Variants in MYH3 observed in about 807,000 individuals in gnomAD.
MYH3 encodes the protein myosin heavy chain 3, also known as myosin-3.
Under a neutral mutation model 238.0 loss-of-function variants are expected in MYH3, and 130 were observed. The ratio of observed to expected loss-of-function variants is 0.55; its 90% CI spans 0.47 to 0.63. The LOEUF is 0.63. Among genes scored for constraint, MYH3 ranks in the 30% least tolerant of loss-of-function variants. The pLI, the probability that MYH3 is intolerant of heterozygous loss-of-function variation, is 0.00. For missense variants in MYH3, 1,853 were observed against 2,374.9 expected, an observed-to-expected ratio of 0.78 and a Z score of 4.57; for synonymous variants, 880 against 924.1, an observed-to-expected ratio of 0.95 and a Z score of 0.86.
At chr17:10,653,793 G>A (rs2074401379) in intron 3 of MYH3, among the ~76,000 whole-genome samples, 1 of 152,168 alleles carries the variant, frequency 6.6e-6, no homozygotes, top group Non-Finnish European at 1.5e-5. Context: ...CCCGGCCAAT[G>A]GGCCCTGGCT....
intron 40 of MYH3, among the ~76,000 whole-genome samples, chr17:10,629,023 GTTTGT>G (rs1419759729): frequency 3.3e-5 from 5 of 152,288 alleles, no homozygotes; most frequent in African/African-American, 1.2e-4. Context: ...CAGGATGGCG[GTTTGT>G]TTTGTTTTGT....
At chr17:10,635,970 TTTC>T (rs2074211880) in intron 28 of MYH3, 117 bp from the exon 29 acceptor site, 1 of 903,888 alleles carries the variant, frequency 1.1e-6, no homozygotes, top group African/African-American at 1.6e-5. Context: ...TAAGATATGG[TTTC>T]TTCTTCAGGG....
chr17:10,658,023 G>A (rs1159398542), upstream of MYH3, among the ~76,000 whole-genome samples: 3 of 152,086 alleles, frequency 2.0e-5, no homozygotes, highest in Non-Finnish European at 2.9e-5. Context: ...CTGCCAGCTC[G>A]TATTCCCGGC....
chr17:10,635,572 G>A lies in MYH3; in HGVS notation c.3976-9C>T. 1.2e-6 allele frequency: 2 copies of A among 1,614,252 alleles called. No homozygotes were observed. ...GCCAGGGCGTTCTTGGCCTGCAGAA[G>A]TTAAAAAGAGAAGAGCACCTGATAT... On this transcript the variant is annotated splice_polypyrimidine_tract_variant and intron_variant, in intron 29 of 40. Transcript: ENST00000583535.
chr17:10,658,036 C>T (rs2074451527), upstream of MYH3, among the ~76,000 whole-genome samples: 1 of 152,130 alleles, frequency 6.6e-6, no homozygotes, highest in Non-Finnish European at 1.5e-5. Flanking sequence ...TTCCCGGCGA[C>T]AGCTGCCTGA....
In MYH3 at chr17:10,654,019, G is replaced by A. The variant is rs778486438; in HGVS notation, c.204+842C>T. On this transcript the variant is annotated intron_variant, in intron 3 of 40. Transcript: ENST00000583535. The surrounding 1 kb of genome is among the most constrained non-coding windows in gnomAD (Gnocchi z 4.5). The stretch of plus-strand genomic sequence containing the variant: ...GTCTCCCAGGCTGGAGTGCAGTGGC[G>A]TGATCTAGGCTCACTGCAAGCTCCA... Among the ~76,000 whole-genome samples the A allele has an allele frequency of 2.6e-5, 4 of 152,118 alleles. No individual in the cohort carries two copies. The highest frequency in any genetic ancestry group is 2.1e-4 in the South Asian group (1 of 4,804).
intron 5 of MYH3, among the ~76,000 whole-genome samples, chr17:10,651,099 C>T (rs2074369664): frequency 6.7e-6 from 1 of 150,114 alleles, no homozygotes; most frequent in Admixed American, 6.7e-5. Context: ...GCAGGAGAAT[C>T]GCTTGAACCC....
chr17:10,668,264 G>A, the MYH3 span, among the ~76,000 whole-genome samples: 6 of 152,120 alleles, frequency 3.9e-5, no homozygotes, highest in Admixed American at 3.3e-4. Flanking sequence ...GCGTGGTGGC[G>A]CGTGCCTGTA....
At chr17:10,670,538 G>A in the MYH3 span, among the ~76,000 whole-genome samples, 2 of 152,038 alleles carry the variant, frequency 1.3e-5, no homozygotes, top group Admixed American at 6.6e-5. The surrounding 1 kb of genome is among the most constrained non-coding windows in gnomAD (Gnocchi z 7.0). Context: ...TGAACTCTGG[G>A]GCTCAAGCAG....
rs779983666 is a variant in MYH3 at position 10,632,494 on chromosome 17, A to G, written c.4938T>C (p.Ser1646=). 1 of 1,613,644 alleles carries G rather than the reference A, an allele frequency of 6.2e-7. No homozygotes were observed. The highest frequency in any genetic ancestry group is 1.1e-5 in the South Asian group (1 of 91,072). Residue 1646 remains serine (S), a synonymous_variant, in exon 34 of 41, where the codon AGT becomes AGC. Transcript: ENST00000583535. Reference sequence around the variant, plus strand: ...CTCAAACCTTCAGCTGTCCCTGGACACTCCTGAGGTGTTTGAGGGTCTCCG... The same window carrying G: ...CTCAAACCTTCAGCTGTCCCTGGACGCTCCTGAGGTGTTTGAGGGTCTCCG... ...QAAETLKHLR[S]VQGQLKDTQL...
At chr17:10,648,475 T>C (rs1597491068) in intron 8 of MYH3, 82 bp downstream of exon 8, 2 of 1,139,404 alleles carry the variant, frequency 1.8e-6, no homozygotes, top group East Asian at 2.3e-5. Flanking sequence ...TTGCCTCTGG[T>C]CTCTACACTC....
rs780001148 is a variant in MYH3, at chr17:10,643,001, TAAA to T, written c.1411-8_1411-6del. 6.2e-7 allele frequency: 1 copy of T among 1,613,960 alleles called. No individual in the cohort carries two copies. The highest frequency in any genetic ancestry group is 8.5e-7 in the Non-Finnish European group (1 of 1,179,988). ...CAGCTGCTCCAGGCTGTTATACTAA[TAAA>T]AAAATACAACATTCATGTGAAAAGT... On this transcript the variant is annotated splice_polypyrimidine_tract_variant and splice_region_variant and intron_variant, in intron 14 of 40. Transcript: ENST00000583535.
chr17:10,644,814 G>T, intron 12 of MYH3, 112 bp from the exon 13 acceptor site: 1 of 833,250 alleles, frequency 1.2e-6, no homozygotes, highest in Non-Finnish European at 2.0e-6. Flanking sequence ...CATTCCCTGT[G>T]GCTAAACTGC....
Position 10,633,726 on chromosome 17 carries a change from G to A in MYH3, c.4523-11C>T. The A allele has an allele frequency of 1.2e-6, 2 of 1,613,448 alleles. No individual in the cohort carries two copies. Among genetic ancestry groups the A allele is most frequent in the Admixed American group, 1.7e-5 (1 of 60,014 alleles). The stretch of plus-strand genomic sequence containing the variant: ...GATCTGCTATCTCCTCTGTAAAGAA[G>A]TAAGTTTCAGTTGCATATGAGCGCC... On this transcript the variant is annotated splice_polypyrimidine_tract_variant and intron_variant, in intron 32 of 40. Coordinates refer to ENST00000583535, the MANE Select transcript of MYH3 (RefSeq NM_002470.4).
intron 40 of MYH3, 110 bp downstream of exon 40, chr17:10,629,487 C>T: frequency 6.9e-7 from 1 of 1,442,152 alleles, no homozygotes; most frequent in Middle Eastern, 2.5e-4. Context: ...ACTTTCTCTT[C>T]CTGAGCCTGA....
chr17:10,634,251 A>G, intron 31 of MYH3, 69 bp from the exon 32 acceptor site: 1 of 1,571,214 alleles, frequency 6.4e-7, no homozygotes, highest in South Asian at 1.1e-5. Context: ...AATACTAAAT[A>G]ACTAAATTAA....
At chr17:10,655,482 C>T (rs2074419284) in intron 2 of MYH3, among the ~76,000 whole-genome samples, 1 of 152,228 alleles carries the variant, frequency 6.6e-6, no homozygotes, top group African/African-American at 2.4e-5. Flanking sequence ...AGAGAGTGTG[C>T]TAATGGCAAA....
chr17:10,670,238 T>G, the MYH3 span, among the ~76,000 whole-genome samples: 46 of 152,236 alleles, frequency 3.0e-4, 1 homozygote, highest in African/African-American at 9.9e-4. This position sits in a 1 kb window ranked among gnomAD's most constrained non-coding sequence, Gnocchi z 7.0. Context: ...CAAAGAGTAG[T>G]AGGTCAAGGG....
rs1009894173 is a variant in MYH3, at chr17:10,643,260, T to G, written c.1411-264A>C. ...TTTATTTTGTAGTTACTCTTCAATGTGCCATATAGACTTCTATTTCTTCTC... is the reference window on the plus strand; with the variant it reads ...TTTATTTTGTAGTTACTCTTCAATGGGCCATATAGACTTCTATTTCTTCTC... On this transcript the variant is annotated intron_variant, in intron 14 of 40. Coordinates refer to ENST00000583535, the MANE Select transcript of MYH3 (RefSeq NM_002470.4). Among the ~76,000 whole-genome samples, 1 of 152,272 alleles carries G rather than the reference T, an allele frequency of 6.6e-6. No individual in the cohort carries two copies. Among genetic ancestry groups the G allele is most frequent in the Non-Finnish European group, 1.5e-5 (1 of 68,048 alleles).
Sources: gnomAD v4.1 joint callset for allele counts (sites outside exome capture counted in the v4.1 genomes callset) on GRCh38, gnomAD v4.1.1 for gene constraint, Gnocchi (gnomAD v3.1) non-coding constraint, MANE v1.5 for transcripts, NCBI Gene and HGNC (gene_info 2026-07-23, HGNC 2026-07-21) for gene names.